The following AGAP1 variants were observed in gnomAD, a reference collection of about 807,000 sequenced individuals.
AGAP1 encodes the protein ArfGAP with GTPase domain, ankyrin repeat and PH domain 1, also known as arf-GAP with GTPase, ANK repeat and PH domain-containing protein 1.
A neutral mutation model predicts 105.3 loss-of-function variants in AGAP1; 29 were observed. The observed-to-expected ratio is 0.28, with a 90% CI of 0.21 to 0.38. The LOEUF is 0.38. Among genes scored for constraint, AGAP1 ranks in the 10% least tolerant of loss-of-function variants. The pLI is 1.00. For missense variants in AGAP1, 998 were observed against 1,165.1 expected, an observed-to-expected ratio of 0.86 and a Z score of 2.09; for synonymous variants, 509 against 485.9, an observed-to-expected ratio of 1.05 and a Z score of -0.63.
At chr2:235,802,780 GGTTGTGATGGTGATGATGGTT>G (rs1957568834) in intron 8 of AGAP1, among the ~76,000 whole-genome samples, 1 of 144,684 alleles carries the variant, frequency 6.9e-6, no homozygotes, top group Non-Finnish European at 1.5e-5. Flanking sequence ...TGATGGTTGT[GGTTGTGATGGTGATGATGGTT>G]GTGGTGGTGG....
rs1382599423 is a variant in AGAP1 at position 235,882,264 on chromosome 2, A to G, written c.1051-1081A>G. 7.4e-6 allele frequency: 4 copies of G among 542,898 alleles called. No homozygotes were observed. The highest frequency in any genetic ancestry group is 3.9e-5 in the African/African-American group (2 of 51,784). The allele number at this position is 542,898 out of a possible 1,614,324, so 33.6% of individuals were successfully genotyped here. ...ATCGGTGCAGAGTGCCCAGGTTCAC[A>G]ATGCAGCTTGTGGCTCGTGTCCATC... On this transcript the variant is annotated intron_variant, in intron 9 of 17. Coordinates refer to ENST00000304032, the MANE Select transcript of AGAP1 (RefSeq NM_001037131.3). The surrounding 1 kb of genome is among the most constrained non-coding windows in gnomAD (Gnocchi z 4.6).
intron 16 of AGAP1, among the ~76,000 whole-genome samples, chr2:236,110,895 A>G (rs1482256026): frequency 1.3e-5 from 2 of 152,222 alleles, no homozygotes; most frequent in Non-Finnish European, 2.9e-5. Context: ...TGGAAAGTCC[A>G]AGATAGAGGC....
At chr2:235,920,921 A>G (rs1416786816) in intron 11 of AGAP1, among the ~76,000 whole-genome samples, 2 of 152,230 alleles carry the variant, frequency 1.3e-5, no homozygotes, top group Non-Finnish European at 2.9e-5. Flanking sequence ...CACATGGGGC[A>G]TACTGTTATC....
chr2:235,496,503 C>T (rs1429343633), intron 1 of AGAP1, among the ~76,000 whole-genome samples: 1 of 152,158 alleles, frequency 6.6e-6, no homozygotes, highest in South Asian at 2.1e-4. Context: ...GCACGGTGCT[C>T]ATTTCAGATG....
intron 1 of AGAP1, among the ~76,000 whole-genome samples, chr2:235,505,084 C>T (rs1941738653): frequency 6.6e-6 from 1 of 152,192 alleles, no homozygotes; most frequent in Non-Finnish European, 1.5e-5. Flanking sequence ...CATCCCTGTG[C>T]TGGGTTTTAG....
rs541735495 is a variant in AGAP1, at chr2:235,827,055, CT to C, written c.1050+19725del. On this transcript the variant is annotated intron_variant, in intron 9 of 17. Transcript: ENST00000304032. ...CAAGGAGGAGGGGAGCTCTTCACCCCTGGGCGGGTTTGTAGTGCGGCTTGTG... is the reference window on the plus strand; with the variant it reads ...CAAGGAGGAGGGGAGCTCTTCACCCCGGGCGGGTTTGTAGTGCGGCTTGTG... Among the ~76,000 whole-genome samples, 34 of 152,302 alleles carry C rather than the reference CT, an allele frequency of 2.2e-4. No homozygotes were observed. The East Asian group carries it at 5.2e-3, about 23-fold the overall frequency.
chr2:235,998,714 G>A (rs2055927296), intron 13 of AGAP1, among the ~76,000 whole-genome samples: 1 of 83,724 alleles, frequency 1.2e-5, no homozygotes, highest in Admixed American at 1.2e-4. Context: ...GATGATAGTG[G>A]TGATGATGAT....
Position 236,049,290 on chromosome 2 carries a change from TTTGGAAG to T in AGAP1, c.2114+10_2114+16del, listed in dbSNP as rs1271271010. ...TCGGTAGACTCCACAAGGTAGGAACTTTGGAAGATGCCTGGCTCCCGACACGTTTGCC... is the reference window on the plus strand; with the variant it reads ...TCGGTAGACTCCACAAGGTAGGAACTATGCCTGGCTCCCGACACGTTTGCC... On this transcript the variant is annotated intron_variant, in intron 16 of 17. Transcript: ENST00000304032. The T allele has an allele frequency of 6.2e-7, 1 of 1,604,098 alleles. No homozygotes were observed. The highest frequency in any genetic ancestry group is 1.3e-5 in the African/African-American group (1 of 74,848).
intron 1 of AGAP1, among the ~76,000 whole-genome samples, chr2:235,640,729 A>G (rs1006110256): frequency 2.6e-5 from 4 of 152,226 alleles, no homozygotes; most frequent in Admixed American, 2.0e-4. Flanking sequence ...TCGTGGGGGC[A>G]AATTCTAAAG....
chr2:236,105,625 G>A lies in AGAP1; in HGVS notation c.2115-14567G>A, dbSNP rs1186429614. ...GGCTGCAGTGCAGTGGCGTGAACTC[G>A]GCTCACTGCAACCTCCGCCTCCCGG... On this transcript the variant is annotated intron_variant, in intron 16 of 17. Transcript: ENST00000304032. The surrounding 1 kb of genome is among the most constrained non-coding windows in gnomAD (Gnocchi z 4.2). Among the ~76,000 whole-genome samples the A allele has an allele frequency of 6.8e-6, 1 of 147,434 alleles. No homozygotes were observed. Among genetic ancestry groups the A allele is most frequent in the African/African-American group, 2.5e-5 (1 of 39,834 alleles).
intron 1 of AGAP1, among the ~76,000 whole-genome samples, chr2:235,526,679 T>TGC (rs71064852): frequency 6.6e-6 from 1 of 151,828 alleles, no homozygotes; most frequent in Non-Finnish European, 1.5e-5. Context: ...TTATTGTGTG[T>TGC]ATTAATATCA....
intron 13 of AGAP1, among the ~76,000 whole-genome samples, chr2:235,996,354 C>A (rs1024129609): frequency 6.6e-6 from 1 of 152,180 alleles, no homozygotes; most frequent in Non-Finnish European, 1.5e-5. Context: ...ATTGGAGATT[C>A]GTATCTGACA....
intron 9 of AGAP1, chr2:235,853,167 G>C (rs2048551070): frequency 2.7e-6 from 3 of 1,117,736 alleles, no homozygotes; most frequent in Non-Finnish European, 3.3e-6. Context: ...GGTACAAGCA[G>C]TGGTAGAAAC....
In AGAP1 at chr2:235,842,299, C is replaced by T. The variant is rs1170639793; in HGVS notation, c.1050+34968C>T. 6.6e-6 allele frequency among the ~76,000 whole-genome samples: 1 copy of T among 152,210 alleles called. No homozygotes were observed. The highest frequency in any genetic ancestry group is 2.4e-5 in the African/African-American group (1 of 41,446). ...GACTTCGACTGAAAGTTAACGTTTC[C>T]TTCAGATATGAATGTAGGCAACGAT... On this transcript the variant is annotated intron_variant, in intron 9 of 17. Coordinates refer to ENST00000304032, the MANE Select transcript of AGAP1 (RefSeq NM_001037131.3). The surrounding 1 kb of genome is among the most constrained non-coding windows in gnomAD (Gnocchi z 5.3).
rs999852735 is a variant in AGAP1 at position 235,494,158 on chromosome 2, G to C, written c.-529G>C. 1.4e-5 allele frequency: 2 copies of C among 144,636 alleles called. No individual in the cohort carries two copies. Among genetic ancestry groups the C allele is most frequent in the Non-Finnish European group, 1.5e-5 (1 of 65,002 alleles). The allele number at this position is 144,636 out of a possible 1,614,324, so 9.0% of individuals were successfully genotyped here. On this transcript the variant is annotated 5_prime_UTR_variant, in exon 1 of 18. Coordinates refer to ENST00000304032, the MANE Select transcript of AGAP1 (RefSeq NM_001037131.3). ...GGTCCCAGGTCGGCGGGCGGCGCAC[G>C]GCGGGCTCGCGCGGGGGCCCCGGCG...
At chr2:235,856,139 C>T (rs1237327740) in intron 9 of AGAP1, among the ~76,000 whole-genome samples, 1 of 152,080 alleles carries the variant, frequency 6.6e-6, no homozygotes, top group Non-Finnish European at 1.5e-5. Context: ...GTCCTGAACT[C>T]CTGACCTTGT....
intron 1 of AGAP1, chr2:235,669,694 A>G (rs1948267501): frequency 6.7e-6 from 1 of 148,274 alleles, no homozygotes; most frequent in African/African-American, 2.4e-5. Flanking sequence ...CCCGGAGCCC[A>G]GGGAGTGGCG....
chr2:236,056,839 T>G lies in AGAP1; in HGVS notation c.2114+7558T>G, dbSNP rs950748425. ...CAGACTGCAGGCACCAAGATCTGAC[T>G]CCAGATGCCGCTCTGCAGTCCTGCT... is the stretch of plus-strand genomic sequence containing the variant. On this transcript the variant is annotated intron_variant, in intron 16 of 17. Transcript: ENST00000304032. This position sits in a 1 kb window ranked among gnomAD's most constrained non-coding sequence, Gnocchi z 4.6. Among the ~76,000 whole-genome samples, 2 of 152,134 alleles carry G rather than the reference T, an allele frequency of 1.3e-5. No individual in the cohort carries two copies. Among genetic ancestry groups the G allele is most frequent in the Non-Finnish European group, 2.9e-5 (2 of 68,020 alleles).
rs1254082193 is a variant in AGAP1 at position 235,705,671 on chromosome 2, ATGAAAG to A, written c.164-3506_164-3501del. On this transcript the variant is annotated intron_variant, in intron 1 of 17. Transcript: ENST00000304032. The surrounding 1 kb of genome is among the most constrained non-coding windows in gnomAD (Gnocchi z 4.9). The stretch of plus-strand genomic sequence containing the variant: ...TTTTGACTGGGCGGTAACAGAGTTG[ATGAAAG>A]TTTTTAAAATAAATACTTTTTAATG... 1.3e-5 allele frequency among the ~76,000 whole-genome samples: 2 copies of A among 152,240 alleles called. No homozygotes were observed. Among genetic ancestry groups the A allele is most frequent in the African/African-American group, 4.8e-5 (2 of 41,454 alleles).
Sources: allele counts gnomAD v4.1 joint callset (sites outside exome capture counted in the v4.1 genomes callset), GRCh38; gene constraint gnomAD v4.1.1; non-coding constraint Gnocchi (gnomAD v3.1); transcripts MANE v1.5; gene names NCBI Gene and HGNC (gene_info 2026-07-23, HGNC 2026-07-21).